Variants in SNX29 observed in about 807,000 individuals in gnomAD.
SNX29 encodes the protein sorting nexin 29.
SNX29 carries 78 observed loss-of-function variants against 102.1 expected under a neutral mutation model. The observed-to-expected ratio is 0.76, with a 90% confidence interval of 0.64 to 0.92. The LOEUF is 0.92. Among genes scored for constraint, SNX29 ranks in the 40% least tolerant of loss-of-function variants. The probability of loss-of-function intolerance (pLI) is 0.00; values close to 1 mark genes in which losing one functional copy is unlikely to be tolerated. For missense variants in SNX29, 1,280 were observed against 1,061.7 expected, an observed-to-expected ratio of 1.21 and a Z score of -2.86; for synonymous variants, 580 against 414.5, an observed-to-expected ratio of 1.40 and a Z score of -4.85.
intron 7 of SNX29, among the ~76,000 whole-genome samples, chr16:12,050,359 G>A (rs2050251002): frequency 6.6e-6 from 1 of 152,212 alleles, no homozygotes; most frequent in Non-Finnish European, 1.5e-5. Context: ...ACTAAGGCAA[G>A]CTTGATTTCT....
rs1351727928 is a variant in SNX29, at chr16:12,573,194, C to CG, written c.*4567dup. The CG allele has an allele frequency of 1.4e-4, 31 of 226,060 alleles. No homozygotes were observed. Among genetic ancestry groups the CG allele is most frequent in the Admixed American group, 1.1e-3 (19 of 17,510 alleles). 14.0% of individuals were successfully genotyped at this position (226,060 alleles called of 1,614,324 possible). Reference sequence around the variant, plus strand: ...AAGGGTGTAGCCATCCAGGGTCTCCCGGCTCTAGGCAGACCGGATCCCGCA... The same window carrying CG: ...AAGGGTGTAGCCATCCAGGGTCTCCCGGGCTCTAGGCAGACCGGATCCCGCA... On this transcript the variant is annotated 3_prime_UTR_variant, in exon 21 of 21. Coordinates refer to ENST00000566228, the MANE Select transcript of SNX29 (RefSeq NM_032167.5).
At position 12,160,338 on chromosome 16, in the gene SNX29, C is replaced by A. The variant is rs954103371; in HGVS notation, c.1595+30580C>A. The stretch of plus-strand genomic sequence containing the variant: ...ATTTTAGTTTAGATTCAGGATCTTT[C>A]AGCCCTCTGAGTCTATCCCCTTGGT... On this transcript the variant is annotated intron_variant, in intron 13 of 20. Transcript: ENST00000566228. 2.0e-5 allele frequency among the ~76,000 whole-genome samples: 3 copies of A among 152,368 alleles called. No individual in the cohort carries two copies. The East Asian group carries it at 5.8e-4, about 29-fold the overall frequency.
At chr16:12,381,528 A>C (rs1482180550) in intron 16 of SNX29, among the ~76,000 whole-genome samples, 16 of 19,392 alleles carry the variant, frequency 8.3e-4, no homozygotes, top group Middle Eastern at 0.033. Flanking sequence ...TCATCCACCA[A>C]CCCCCCATCA....
intron 16 of SNX29, among the ~76,000 whole-genome samples, chr16:12,370,999 G>A (rs1001647143): frequency 4.6e-5 from 7 of 152,320 alleles, no homozygotes; most frequent in South Asian, 2.1e-4. Context: ...CAGTGTTCTT[G>A]GGCCACAGCT....
intron 16 of SNX29, chr16:12,372,948 G>A (rs1375931910): frequency 6.6e-6 from 1 of 152,086 alleles, no homozygotes; most frequent in East Asian, 1.9e-4. Flanking sequence ...CCTATTCCAT[G>A]AGCTGTGCAT....
At chr16:12,024,314 A>G (rs1034816904) in intron 3 of SNX29, among the ~76,000 whole-genome samples, 1 of 151,550 alleles carries the variant, frequency 6.6e-6, no homozygotes, top group South Asian at 2.1e-4. Flanking sequence ...CATTTTATAT[A>G]TATATTTTTT....
intron 16 of SNX29, among the ~76,000 whole-genome samples, chr16:12,395,015 G>A (rs2083668265): frequency 6.6e-6 from 1 of 152,112 alleles, no homozygotes; most frequent in Non-Finnish European, 1.5e-5. Flanking sequence ...CCTTACCTGG[G>A]GGTGTGGTAA....
chr16:12,060,247 A>T (rs1481146079), intron 8 of SNX29, among the ~76,000 whole-genome samples: 1 of 152,218 alleles, frequency 6.6e-6, no homozygotes, highest in African/African-American at 2.4e-5. Context: ...GAGATGATGT[A>T]AAGTACATAT....
At chr16:12,429,338 C>A (rs1159155127) in intron 18 of SNX29, among the ~76,000 whole-genome samples, 1 of 152,210 alleles carries the variant, frequency 6.6e-6, no homozygotes, top group Non-Finnish European at 1.5e-5. Flanking sequence ...GATACGATTG[C>A]AGTTGATATC....
chr16:12,563,534 T>A (rs777653959), intron 20 of SNX29, among the ~76,000 whole-genome samples: 1 of 152,158 alleles, frequency 6.6e-6, no homozygotes, highest in Non-Finnish European at 1.5e-5. Context: ...AATTGAGTTG[T>A]CTCCCACCAC....
At position 12,359,601 on chromosome 16, in the gene SNX29, C is replaced by T. The variant is rs536396002; in HGVS notation, c.1899+3322C>T. On this transcript the variant is annotated intron_variant, in intron 16 of 20. Transcript: ENST00000566228. ...TTAAAAGTAGAAAATTTAAAACATA[C>T]GTAAAAGCAGAGGGAATGATGTAAC... Among the ~76,000 whole-genome samples the T allele has an allele frequency of 3.5e-4, 53 of 152,272 alleles. 2 individuals are homozygous for T. In the South Asian group the frequency reaches 9.5e-3, roughly 27 times the overall value.
In SNX29 at chr16:12,006,206, A is replaced by AAATAATAATAATAAT. The variant is rs58638368; in HGVS notation, c.122+3177_122+3191dup. Among the ~76,000 whole-genome samples, 1,465 of 146,696 alleles carry AAATAATAATAATAAT rather than the reference A, an allele frequency of 1.0e-2. 29 individuals carry two copies. The highest frequency in any genetic ancestry group is 0.033 in the African/African-American group (1,324 of 40,060). On this transcript the variant is annotated intron_variant, in intron 3 of 20. Transcript: ENST00000566228. ...GCAATAGACAGAGACCCTGTCTCTAAAATAATAATAATAATAATAATAATA... is the reference window on the plus strand; with the variant it reads ...GCAATAGACAGAGACCCTGTCTCTAAAATAATAATAATAATAATAATAATAATAATAATAATAATA...
intron 19 of SNX29, among the ~76,000 whole-genome samples, chr16:12,503,910 C>T (rs1472571083): frequency 2.6e-5 from 4 of 152,202 alleles, no homozygotes; most frequent in Admixed American, 2.0e-4. Flanking sequence ...ATAAAATTCA[C>T]ACACCATACG....
intron 3 of SNX29, among the ~76,000 whole-genome samples, chr16:12,007,753 C>T (rs1216434985): frequency 1.3e-5 from 2 of 152,142 alleles, no homozygotes; most frequent in South Asian, 4.1e-4. Context: ...CGTTCTTGTC[C>T]TGCTTCCACC....
intron 13 of SNX29, among the ~76,000 whole-genome samples, chr16:12,170,334 C>T (rs2076117148): frequency 6.6e-6 from 1 of 151,962 alleles, no homozygotes. Flanking sequence ...TGTATGTGAG[C>T]TGGCGACTGG....
chr16:12,526,879 C>G lies in SNX29; in HGVS notation c.2318+2038C>G, dbSNP rs2269445. The G allele has an allele frequency of 1.0e-5, 4 of 395,202 alleles. No individual in the cohort carries two copies. The East Asian group carries it at 1.7e-4, about 17-fold the overall frequency. 24.5% of individuals were successfully genotyped at this position (395,202 alleles called of 1,614,324 possible). Reference sequence around the variant, plus strand: ...AAAGTGCACGTTAATGCGAGCCTGTCGGTGTGACATGAATCTCAGCCATGC... The same window carrying G: ...AAAGTGCACGTTAATGCGAGCCTGTGGGTGTGACATGAATCTCAGCCATGC... On this transcript the variant is annotated intron_variant, in intron 20 of 20. Coordinates refer to ENST00000566228, the MANE Select transcript of SNX29 (RefSeq NM_032167.5).
At chr16:12,249,918 T>G (rs936250740) in intron 14 of SNX29, among the ~76,000 whole-genome samples, 1 of 152,198 alleles carries the variant, frequency 6.6e-6, no homozygotes, top group Non-Finnish European at 1.5e-5. Context: ...GTCCCAGCCC[T>G]CTGCTAGGTT....
chr16:12,321,545 G>C (rs554763265), intron 15 of SNX29, among the ~76,000 whole-genome samples: 4 of 152,284 alleles, frequency 2.6e-5, no homozygotes, highest in Non-Finnish European at 5.9e-5. Context: ...TGAGAGAGCG[G>C]GGGGAGGAGT....
At chr16:12,420,403 G>A (rs1322832721) in intron 18 of SNX29, among the ~76,000 whole-genome samples, 1 of 152,160 alleles carries the variant, frequency 6.6e-6, no homozygotes, top group Non-Finnish European at 1.5e-5. Flanking sequence ...AGTAAAATCA[G>A]GGTGTTTCAT....
Sources: allele counts gnomAD v4.1 joint callset (sites outside exome capture counted in the v4.1 genomes callset), GRCh38; gene constraint gnomAD v4.1.1; transcripts MANE v1.5; gene names NCBI Gene and HGNC (gene_info 2026-07-23, HGNC 2026-07-21).